The following DAB1 variants were observed in gnomAD, a reference collection of about 807,000 sequenced individuals.
DAB1 encodes DAB adaptor protein 1.
Under a neutral mutation model 64.6 loss-of-function variants are expected in DAB1, and 15 were observed. The observed-to-expected ratio is 0.23, with a 90% confidence interval of 0.16 to 0.36. The LOEUF (loss-of-function observed/expected upper bound fraction) is 0.36. Ranked by LOEUF, DAB1 falls within the 10% of genes least tolerant of loss-of-function variation. DAB1 has a pLI of 1.00. For missense variants in DAB1, 596 were observed against 706.7 expected (o/e 0.84, Z 1.78); for synonymous variants, 235 against 251.9 (o/e 0.93, Z 0.64).
chr1:57,224,177 C>G (rs980454559), intron 2 of DAB1, among the ~76,000 whole-genome samples: 5 of 152,198 alleles, frequency 3.3e-5, no homozygotes, highest in African/African-American at 1.2e-4. Context: ...TGGAACACAA[C>G]AGTGGCTCAA....
intron 3 of DAB1, among the ~76,000 whole-genome samples, chr1:58,482,774 A>G (rs572294043): frequency 1.3e-5 from 2 of 152,280 alleles, no homozygotes; most frequent in South Asian, 2.1e-4. Context: ...TGCGAGTACA[A>G]GGGAGATGGG....
At chr1:57,519,979 C>T (rs755013897) in intron 7 of DAB1, among the ~76,000 whole-genome samples, 4 of 152,212 alleles carry the variant, frequency 2.6e-5, no homozygotes, top group Non-Finnish European at 4.4e-5. Context: ...TTTCTTTAAA[C>T]GATGTAATAG....
At chr1:57,913,027 T>C (rs903952495) in intron 5 of DAB1, among the ~76,000 whole-genome samples, 10 of 152,170 alleles carry the variant, frequency 6.6e-5, no homozygotes, top group Non-Finnish European at 1.2e-4. Flanking sequence ...TGCAAGGTAA[T>C]TTATAGATTC....
At chr1:57,983,898 C>T (rs930267828) in intron 5 of DAB1, among the ~76,000 whole-genome samples, 5 of 152,030 alleles carry the variant, frequency 3.3e-5, no homozygotes, top group African/African-American at 1.2e-4. Flanking sequence ...AATGGCTTGG[C>T]GTACATTTTC....
chr1:57,352,967 C>A, intron 1 of DAB1, among the ~76,000 whole-genome samples: 1 of 152,178 alleles, frequency 6.6e-6, no homozygotes, highest in Admixed American at 6.6e-5. Flanking sequence ...AGAATTCATC[C>A]GCACTGTTGG....
intron 5 of DAB1, among the ~76,000 whole-genome samples, chr1:57,921,302 T>C (rs983459558): frequency 6.6e-6 from 1 of 152,128 alleles, no homozygotes; most frequent in Non-Finnish European, 1.5e-5. Context: ...TGGAAGAGAT[T>C]GGAATAGTAT....
chr1:58,067,981 T>C (rs1557635452), intron 5 of DAB1, among the ~76,000 whole-genome samples: 1 of 152,200 alleles, frequency 6.6e-6, no homozygotes, highest in Non-Finnish European at 1.5e-5. Context: ...TAAGATAGTA[T>C]GGAGAATTTA....
chr1:57,186,096 C>G (rs971822442), intron 2 of DAB1, among the ~76,000 whole-genome samples: 1 of 152,152 alleles, frequency 6.6e-6, no homozygotes, highest in Non-Finnish European at 1.5e-5. Context: ...AATGTCCCTG[C>G]AGGTTGGGCC....
intron 2 of DAB1, among the ~76,000 whole-genome samples, chr1:57,270,927 G>T (rs1670945127): frequency 6.6e-6 from 1 of 152,198 alleles, no homozygotes; most frequent in African/African-American, 2.4e-5. Context: ...TCTGTAATGA[G>T]CAGGGACTGG....
chr1:58,050,963 G>C (rs576199007), intron 5 of DAB1, among the ~76,000 whole-genome samples: 13 of 152,096 alleles, frequency 8.5e-5, no homozygotes, highest in African/African-American at 3.1e-4. Flanking sequence ...TGTTGTTCTA[G>C]GTGTGAGAAA....
intron 4 of DAB1, among the ~76,000 whole-genome samples, chr1:58,225,289 A>G (rs927995456): frequency 1.3e-5 from 2 of 152,102 alleles, no homozygotes; most frequent in African/African-American, 4.8e-5. Flanking sequence ...TTAGAATGGC[A>G]ATCATTAAAA....
intron 7 of DAB1, among the ~76,000 whole-genome samples, chr1:57,473,178 A>T (rs1687202296): frequency 6.6e-6 from 1 of 152,178 alleles, no homozygotes; most frequent in South Asian, 2.1e-4. Context: ...ATCCCAATCT[A>T]CTGAAAGATA....
intron 2 of DAB1, among the ~76,000 whole-genome samples, chr1:57,178,254 A>G (rs1662542571): frequency 1.3e-5 from 2 of 152,002 alleles, no homozygotes; most frequent in East Asian, 1.9e-4. Flanking sequence ...CTGACCCAGC[A>G]ATTCCATCCT....
intron 1 of DAB1, among the ~76,000 whole-genome samples, chr1:57,359,447 G>A (rs1323680408): frequency 6.6e-6 from 1 of 151,926 alleles, no homozygotes; most frequent in African/African-American, 2.4e-5. Flanking sequence ...AAGAAGTATT[G>A]GCAAGGATAT....
At chr1:57,932,467 A>AT (rs1331632026) in intron 5 of DAB1, among the ~76,000 whole-genome samples, 2 of 113,484 alleles carry the variant, frequency 1.8e-5, no homozygotes, top group Non-Finnish European at 3.8e-5. Context: ...AAGCCCAGCT[A>AT]ATTTTTTTTT....
At chr1:57,747,766 G>A (rs1341267407) in intron 6 of DAB1, among the ~76,000 whole-genome samples, 4 of 127,372 alleles carry the variant, frequency 3.1e-5, no homozygotes, top group Admixed American at 9.8e-5. Context: ...CCAATATCGC[G>A]TCACTGCACT....
chr1:57,409,090 A>G (rs1329826073), intron 1 of DAB1, among the ~76,000 whole-genome samples: 5 of 152,130 alleles, frequency 3.3e-5, no homozygotes, highest in African/African-American at 1.2e-4. Flanking sequence ...AGACTCTTCT[A>G]TGCTTCCGGC....
chr1:58,312,420 C>T (rs1048908051), intron 4 of DAB1, among the ~76,000 whole-genome samples: 3 of 152,184 alleles, frequency 2.0e-5, no homozygotes, highest in Admixed American at 6.5e-5. Flanking sequence ...ACTGTCCTTT[C>T]CCTGTGGGAG....
chr1:57,056,690 C>T (rs550081922), intron 9 of DAB1, among the ~76,000 whole-genome samples: 13 of 151,264 alleles, frequency 8.6e-5, no homozygotes, highest in African/African-American at 3.2e-4. Flanking sequence ...CATGGTGAAA[C>T]CCATCTCTAC....
Sources: gnomAD v4.1 joint callset for allele counts (sites outside exome capture counted in the v4.1 genomes callset) on GRCh38, gnomAD v4.1.1 for gene constraint, MANE v1.5 for transcripts, NCBI Gene and HGNC (gene_info 2026-07-23, HGNC 2026-07-21) for gene names.